GPHN: variants seen among roughly 807,000 people sequenced by gnomAD.
GPHN encodes gephyrin.
GPHN carries 17 observed loss-of-function variants against 95.5 expected under a neutral mutation model. The ratio of observed to expected loss-of-function variants is 0.18; its 90% CI spans 0.12 to 0.27. The LOEUF is 0.27. GPHN is among the 10% of genes least tolerant of loss of function. GPHN has a pLI of 1.00. For missense variants in GPHN, 660 were observed against 978.1 expected, an observed-to-expected ratio of 0.67 and a Z score of 4.34; for synonymous variants, 320 against 322.5, an observed-to-expected ratio of 0.99 and a Z score of 0.08.
At chr14:66,620,450 G>A (rs1002402111) in intron 1 of GPHN, among the ~76,000 whole-genome samples, 3 of 152,100 alleles carry the variant, frequency 2.0e-5, no homozygotes, top group African/African-American at 7.2e-5. Flanking sequence ...GATCATGGCA[G>A]GCAAAGAGTG....
chr14:67,140,580 A>G (rs1429497977), intron 17 of GPHN, among the ~76,000 whole-genome samples: 1 of 152,148 alleles, frequency 6.6e-6, no homozygotes, highest in Non-Finnish European at 1.5e-5. Context: ...GGTTTGTAAA[A>G]TTAGCTAATA....
intron 5 of GPHN, among the ~76,000 whole-genome samples, chr14:66,885,278 G>A (rs763489409): frequency 6.6e-5 from 10 of 151,992 alleles, no homozygotes; most frequent in Admixed American, 1.3e-4. Flanking sequence ...CTGGACAACC[G>A]TTTGAACTGG....
At chr14:67,389,704 CA>C in the GPHN span, among the ~76,000 whole-genome samples, 30 of 151,506 alleles carry the variant, frequency 2.0e-4, no homozygotes, top group African/African-American at 6.5e-4. Context: ...GCAGACTCAT[CA>C]GGGGCACAAA....
intron 17 of GPHN, among the ~76,000 whole-genome samples, chr14:67,133,572 A>G (rs2079856125): frequency 6.6e-6 from 1 of 152,148 alleles, no homozygotes; most frequent in African/African-American, 2.4e-5. Flanking sequence ...AAAAGCAAAA[A>G]AAGTCTTAAC....
chr14:67,412,501 T>C, the GPHN span, among the ~76,000 whole-genome samples: 1 of 152,084 alleles, frequency 6.6e-6, no homozygotes, highest in Non-Finnish European at 1.5e-5. Context: ...AAGTAGGAGA[T>C]GGGACAGTGG....
At chr14:67,254,295 C>T in the GPHN span, 2 of 151,064 alleles carry the variant, frequency 1.3e-5, no homozygotes, top group Admixed American at 6.6e-5. Flanking sequence ...GGGTACTCGC[C>T]TTGTTGAATG....
At chr14:67,053,716 A>T (rs957194340) in intron 10 of GPHN, among the ~76,000 whole-genome samples, 2 of 152,256 alleles carry the variant, frequency 1.3e-5, no homozygotes, top group African/African-American at 4.8e-5. Flanking sequence ...AATTCTCAAT[A>T]AAATACTGAC....
the GPHN span, chr14:67,559,788 G>A: frequency 1.3e-6 from 1 of 754,700 alleles, no homozygotes; most frequent in Non-Finnish European, 2.3e-6. Flanking sequence ...GGGTGCCTCG[G>A]CTGACCTTCA....
intron 1 of GPHN, among the ~76,000 whole-genome samples, chr14:66,585,979 G>C: frequency 6.6e-6 from 1 of 152,080 alleles, no homozygotes. Flanking sequence ...GTCTAATGTT[G>C]ACAGTGGGGT....
At chr14:66,899,198 C>T (rs926960587) in intron 5 of GPHN, among the ~76,000 whole-genome samples, 52 of 149,340 alleles carry the variant, frequency 3.5e-4, no homozygotes, top group African/African-American at 1.2e-3. Context: ...TATAGACAAT[C>T]ACATCATCTG....
intron 2 of GPHN, chr14:66,709,507 A>T: frequency 2.3e-6 from 1 of 426,492 alleles, no homozygotes; most frequent in South Asian, 1.7e-5. Context: ...TTCACTGGAC[A>T]AAGGGATGAT....
At chr14:67,115,619 CA>C (rs1474709204) in intron 16 of GPHN, among the ~76,000 whole-genome samples, 1 of 151,958 alleles carries the variant, frequency 6.6e-6, no homozygotes, top group African/African-American at 2.4e-5. Flanking sequence ...CCTGTAGTCA[CA>C]ACTACTTGGG....
At chr14:67,376,722 G>T in the GPHN span, 5 of 873,702 alleles carry the variant, frequency 5.7e-6, no homozygotes, top group East Asian at 1.2e-4. Context: ...CCAGTAAATG[G>T]GCCAATCCTA....
intron 18 of GPHN, 70 bp downstream of exon 18, chr14:67,143,519 C>T: frequency 1.0e-6 from 1 of 960,718 alleles, no homozygotes; most frequent in Non-Finnish European, 1.7e-6. Context: ...TAACTGTGGT[C>T]TGGTAGGCAT....
intron 18 of GPHN, among the ~76,000 whole-genome samples, chr14:67,143,815 G>A (rs2080649441): frequency 1.3e-5 from 2 of 152,084 alleles, no homozygotes; most frequent in South Asian, 4.2e-4. Context: ...TGACTCCCCA[G>A]GAGCCAACCA....
At chr14:66,742,825 G>A (rs1433179773) in intron 2 of GPHN, among the ~76,000 whole-genome samples, 12 of 152,106 alleles carry the variant, frequency 7.9e-5, no homozygotes, top group African/African-American at 2.4e-4. Flanking sequence ...GCAGTGGCGC[G>A]ATCTCTGCTT....
At chr14:67,686,665 T>C in the GPHN span, among the ~76,000 whole-genome samples, 1 of 147,528 alleles carries the variant, frequency 6.8e-6, no homozygotes, top group African/African-American at 2.5e-5. Context: ...AAAAAGTGCC[T>C]GATGCATGGT....
At chr14:66,687,850 A>G (rs751719665) in intron 2 of GPHN, among the ~76,000 whole-genome samples, 14 of 151,992 alleles carry the variant, frequency 9.2e-5, no homozygotes, top group East Asian at 1.9e-4. Flanking sequence ...GTCCTCTTCA[A>G]TTTCTTTCAT....
intron 1 of GPHN, among the ~76,000 whole-genome samples, chr14:66,620,120 C>T (rs919059165): frequency 3.9e-5 from 6 of 152,048 alleles, no homozygotes; most frequent in South Asian, 2.1e-4. Flanking sequence ...AAATGGTTCT[C>T]GGTTGTTGTT....
Sources: allele counts gnomAD v4.1 joint callset (sites outside exome capture counted in the v4.1 genomes callset), GRCh38; gene constraint gnomAD v4.1.1; transcripts MANE v1.5; gene names NCBI Gene and HGNC (gene_info 2026-07-23, HGNC 2026-07-21).